The following PI16 variants were observed in gnomAD, a reference collection of about 807,000 sequenced individuals.
PI16 encodes PSP94-binding protein.
Under a neutral mutation model 38.0 loss-of-function variants are expected in PI16, and 35 were observed. The ratio of observed to expected loss-of-function variants is 0.92; its 90% CI spans 0.70 to 1.22. The LOEUF (loss-of-function observed/expected upper bound fraction) is 1.22, where lower values mean the gene tolerates loss of function less well. Ranked by LOEUF, PI16 falls within the 50% of genes most tolerant of loss-of-function variation. The pLI, the probability that PI16 is intolerant of heterozygous loss-of-function variation, is 0.00. For synonymous variants in PI16, 275 were observed against 252.9 expected, an observed-to-expected ratio of 1.09 and a Z score of -0.83; for missense variants, 572 against 593.8, an observed-to-expected ratio of 0.96 and a Z score of 0.38.
Position 36,963,127 on chromosome 6 carries a change from C to T in PI16, c.785C>T (p.Thr262Ile). 6.2e-7 allele frequency: 1 copy of T among 1,614,238 alleles called. No homozygotes were observed. Among genetic ancestry groups the T allele is most frequent in the Non-Finnish European group, 8.5e-7 (1 of 1,180,030 alleles). The change falls in exon 5 of 7, where the codon ACC (threonine) becomes ATC (isoleucine). Residue 262 changes from threonine (T) to isoleucine (I), a missense_variant. Coordinates refer to ENST00000373674, the MANE Select transcript of PI16 (RefSeq NM_153370.3). ...ACCAAGGCTCTGCCTGCTGTGGAAA[C>T]CCAGGCCCCAACTTCCTTAGCAACG... ...LATKALPAVE[T>I]QAPTSLATKD...
rs755224572 is a variant in PI16, at chr6:36,961,516, T to G, written c.459T>G (p.Val153=). 2.5e-6 allele frequency: 4 copies of G among 1,614,134 alleles called. No individual in the cohort carries two copies. The South Asian group carries it at 3.3e-5, about 13-fold the overall frequency. Residue 153 remains valine (V), a synonymous_variant, in exon 3 of 7, where the codon GTT becomes GTG. Transcript: ENST00000373674. The stretch of plus-strand genomic sequence containing the variant: ...ACTTCTGTGAGAAGCTCCAGGGTGT[T>G]GAGGAGACCAACATCGAATTACTGG... ...GSHFCEKLQG[V]EETNIELLVC... is the part of the protein sequence containing the mutation.
At chr6:36,960,639 T>TC (rs1370176293) in intron 2 of PI16, among the ~76,000 whole-genome samples, 93 of 18,140 alleles carry the variant, frequency 5.1e-3, no homozygotes, top group East Asian at 0.011. Flanking sequence ...TCCCTCTCCC[T>TC]CCACCCCCCC....
At chr6:36,961,786 G>A in intron 3 of PI16, 100 bp from the exon 4 acceptor site, 2 of 1,102,612 alleles carry the variant, frequency 1.8e-6, no homozygotes, top group Admixed American at 1.8e-5. Context: ...GCAGTCAGGA[G>A]ACCCAAGGGC....
chr6:36,963,253 C>T lies in PI16; in HGVS notation c.911C>T (p.Pro304Leu), dbSNP rs560570488. The change falls in exon 5 of 7, where the codon CCA (proline) becomes CTA (leucine). Residue 304 changes from proline to leucine, a missense_variant. Pro to Leu is a moderately conservative substitution (Grantham distance 98). Coordinates refer to ENST00000373674, the MANE Select transcript of PI16 (RefSeq NM_153370.3). ...AHSLPSLDEE[P>L]VTFPKSTHVP... ...AGCCTGCCCTCCTTGGATGAGGAGC[C>T]AGTTACCTTCCCCAAATCGACCCAT... 109 of 1,614,118 alleles carry T rather than the reference C, an allele frequency of 6.8e-5. No individual in the cohort carries two copies. The highest frequency in any genetic ancestry group is 9.1e-5 in the Non-Finnish European group (107 of 1,180,052).
At chr6:36,960,004 T>C (rs534824892) in intron 2 of PI16, among the ~76,000 whole-genome samples, 2 of 152,290 alleles carry the variant, frequency 1.3e-5, no homozygotes, top group African/African-American at 4.8e-5. Context: ...GGGCTCCAAG[T>C]GATCCTGCCT....
In PI16 at chr6:36,961,712, G is replaced by T; in HGVS notation, c.503+152G>T. The T allele has an allele frequency of 1.6e-5, 14 of 899,074 alleles. No homozygotes were observed. In the South Asian group the frequency reaches 2.1e-4, roughly 14 times the overall value. 55.7% of individuals were successfully genotyped at this position (899,074 alleles called of 1,614,324 possible). ...GGGAGCTGTGAAGGCACCAATGGGGGTCTGCTGTCATCTGCCAGAGAGGGC... is the reference window on the plus strand; with the variant it reads ...GGGAGCTGTGAAGGCACCAATGGGGTTCTGCTGTCATCTGCCAGAGAGGGC... On this transcript the variant is annotated intron_variant, in intron 3 of 6. Coordinates refer to ENST00000373674, the MANE Select transcript of PI16 (RefSeq NM_153370.3).
chr6:36,958,067 C>G (rs923367734), intron 1 of PI16, among the ~76,000 whole-genome samples: 1 of 152,228 alleles, frequency 6.6e-6, no homozygotes, highest in African/African-American at 2.4e-5. Context: ...CAGCCAGGTG[C>G]ACCCATCCCC....
rs533215453 is a variant in PI16 at position 36,962,688 on chromosome 6, G to T, written c.593-247G>T. ...GGGTTTCTCCATGTTGGTCAGGTTGGTCTCGAACTCCTGACCTCAGGTGAT... is the reference window on the plus strand; with the variant it reads ...GGGTTTCTCCATGTTGGTCAGGTTGTTCTCGAACTCCTGACCTCAGGTGAT... On this transcript the variant is annotated intron_variant, in intron 4 of 6. Transcript: ENST00000373674. This position sits in a 1 kb window ranked among gnomAD's most constrained non-coding sequence, Gnocchi z 4.1. Among the ~76,000 whole-genome samples the T allele has an allele frequency of 9.2e-5, 14 of 152,242 alleles. No homozygotes were observed. Among genetic ancestry groups the T allele is most frequent in the African/African-American group, 3.4e-4 (14 of 41,546 alleles).
chr6:36,961,544 T>C lies in PI16; in HGVS notation c.487T>C (p.Cys163Arg). 6.2e-7 allele frequency: 1 copy of C among 1,614,074 alleles called. No individual in the cohort carries two copies. The highest frequency in any genetic ancestry group is 8.5e-7 in the Non-Finnish European group (1 of 1,179,980). ...GGAGACCAACATCGAATTACTGGTG[T>C]GCAACTATGAGCCTCCGTGAGTGCC... The part of the protein sequence containing the change: ...VEETNIELLV[C>R]NYEPPGNVKG... Residue 163 changes from cysteine (C) to arginine (R), a missense_variant, in exon 3 of 7, where the codon TGC (cysteine) becomes CGC (arginine). Transcript: ENST00000373674.
In PI16 at chr6:36,962,436, T is replaced by G. The variant is rs1222201532; in HGVS notation, c.592+462T>G. On this transcript the variant is annotated intron_variant, in intron 4 of 6. Transcript: ENST00000373674. The surrounding 1 kb of genome is among the most constrained non-coding windows in gnomAD (Gnocchi z 4.1). ...CAGGAGGTGGCTAGAGGAGCAACTG[T>G]GTCAATCACCAGAAGTAACGTTTCT... 2.6e-5 allele frequency among the ~76,000 whole-genome samples: 4 copies of G among 152,218 alleles called. No homozygotes were observed. Among genetic ancestry groups the G allele is most frequent in the Non-Finnish European group, 2.9e-5 (2 of 68,036 alleles).
chr6:36,960,048 C>G (rs1410577553), intron 2 of PI16, among the ~76,000 whole-genome samples: 2 of 152,106 alleles, frequency 1.3e-5, no homozygotes, highest in African/African-American at 4.8e-5. Flanking sequence ...CTGTTTGCCC[C>G]AGCAGCAGAT....
Position 36,963,882 on chromosome 6 carries a change from G to A in PI16, c.1330G>A (p.Val444Met), listed in dbSNP as rs148398555. ...AGGGCTGAACTCGGGCCCTGGTCAT[G>A]TGTGGGGCCCTCTCCTGGGACTACT... ...VSGLNSGPGHVWGPLLGLLLL... is the reference protein window; with the variant it reads ...VSGLNSGPGHMWGPLLGLLLL... The change falls in exon 6 of 7, where the codon GTG becomes ATG. Residue 444 changes from valine (V) to methionine (M), a missense_variant. Val to Met is a conservative substitution (Grantham distance 21). Coordinates refer to ENST00000373674, the MANE Select transcript of PI16 (RefSeq NM_153370.3). 2 of 1,613,888 alleles carry A rather than the reference G, an allele frequency of 1.2e-6. No homozygotes were observed. The highest frequency in any genetic ancestry group is 1.3e-5 in the African/African-American group (1 of 74,926).
intron 1 of PI16, among the ~76,000 whole-genome samples, chr6:36,948,624 T>TCCC (rs1763049334): frequency 9.8e-6 from 1 of 101,538 alleles, no homozygotes; most frequent in East Asian, 2.2e-4. Flanking sequence ...TTTTTTTTCC[T>TCCC]TCCTTCCTCC....
In PI16 at chr6:36,956,785, G is replaced by T. The variant is rs145006770; in HGVS notation, c.171+1854G>T. On this transcript the variant is annotated intron_variant, in intron 1 of 6. Transcript: ENST00000373674. ...ATATGTGTAAAGCACTCAGAAGAAT[G>T]CCTGGCACACAGTAAGTGCTCAGTA... 7.7e-4 allele frequency among the ~76,000 whole-genome samples: 118 copies of T among 152,292 alleles called. 2 individuals carry two copies. The East Asian group carries it at 0.021, about 27-fold the overall frequency.
At chr6:36,951,808 G>A (rs1356489936), upstream of PI16, among the ~76,000 whole-genome samples, 3 of 152,026 alleles carry the variant, frequency 2.0e-5, no homozygotes, top group African/African-American at 7.2e-5. Flanking sequence ...GCTGAGGTGG[G>A]AGAACCACTT....
intron 1 of PI16, among the ~76,000 whole-genome samples, chr6:36,948,625 TCCTTCCTCCTTCCCTCCTTCCTC>T (rs1561891213): frequency 9.3e-5 from 5 of 53,506 alleles, no homozygotes; most frequent in East Asian, 4.6e-4. Flanking sequence ...TTTTTTTCCT[TCCTTCCTCCTTCCCTCCTTCCTC>T]CCTCCCTCCT....
At position 36,962,623 on chromosome 6, in the gene PI16, GC is replaced by G. The variant is rs1028117480; in HGVS notation, c.593-310del. On this transcript the variant is annotated intron_variant, in intron 4 of 6. Coordinates refer to ENST00000373674, the MANE Select transcript of PI16 (RefSeq NM_153370.3). The surrounding 1 kb of genome is among the most constrained non-coding windows in gnomAD (Gnocchi z 4.1). ...CGAGTAGCTGGGACTACAGGCACGC[GC>G]CACCACGCCTGGCTAATTTTGTATT... 6.6e-6 allele frequency among the ~76,000 whole-genome samples: 1 copy of G among 152,036 alleles called. No individual in the cohort carries two copies. Among genetic ancestry groups the G allele is most frequent in the South Asian group, 2.1e-4 (1 of 4,826 alleles).
upstream of PI16, among the ~76,000 whole-genome samples, chr6:36,950,033 T>C (rs1285214578): frequency 2.6e-5 from 4 of 152,158 alleles, no homozygotes; most frequent in South Asian, 2.1e-4. This position sits in a 1 kb window ranked among gnomAD's most constrained non-coding sequence, Gnocchi z 4.2. Flanking sequence ...TGTGGTAAAA[T>C]ATAGAACATA....
At chr6:36,954,671 C>A, upstream of PI16, 1 of 1,509,842 alleles carries the variant, frequency 6.6e-7, no homozygotes, top group South Asian at 1.3e-5. Flanking sequence ...CCCCACTGCC[C>A]CACCCCAGCC....
Sources: gnomAD v4.1 joint callset for allele counts (sites outside exome capture counted in the v4.1 genomes callset) on GRCh38, gnomAD v4.1.1 for gene constraint, Gnocchi (gnomAD v3.1) non-coding constraint, MANE v1.5 for transcripts, NCBI Gene and HGNC (gene_info 2026-07-23, HGNC 2026-07-21) for gene names.